The following DAPK1 variants were observed in gnomAD, a reference collection of about 807,000 sequenced individuals.
DAPK1 encodes the protein death-associated protein kinase 1.
A neutral mutation model predicts 144.9 loss-of-function variants in DAPK1; 56 were observed. That is an observed-to-expected ratio of 0.39 (90% CI 0.31 to 0.48). DAPK1 has a LOEUF of 0.48. Among genes scored for constraint, DAPK1 ranks in the 20% least tolerant of loss-of-function variants. DAPK1 has a pLI of 0.95. For missense variants in DAPK1, 1,454 were observed against 1,875.4 expected (o/e 0.78, Z 4.15); for synonymous variants, 690 against 749.0 (o/e 0.92, Z 1.29).
In DAPK1 at chr9:87,670,400, G is replaced by A. The variant is rs36216774; in HGVS notation, c.2001+1726G>A. ...AGAAGAGAAGTCTGGTTTTTGCACA[G>A]GCTAAAAGAGCACAATTTCTTTTTC... On this transcript the variant is annotated intron_variant, in intron 19 of 25. Coordinates refer to ENST00000408954, the MANE Select transcript of DAPK1 (RefSeq NM_004938.4). 3.0e-3 allele frequency among the ~76,000 whole-genome samples: 460 copies of A among 152,256 alleles called. 3 individuals are homozygous for A. The highest frequency in any genetic ancestry group is 0.01 in the African/African-American group (433 of 41,558).
intron 13 of DAPK1, 120 bp from the exon 14 acceptor site, chr9:87,647,185 A>C: frequency 1.3e-6 from 1 of 782,252 alleles, no homozygotes; most frequent in South Asian, 1.5e-5. Flanking sequence ...TTCCTCTGGG[A>C]AGTTGCTCCT....
At chr9:87,529,576 T>C (rs1335360493) in intron 2 of DAPK1, among the ~76,000 whole-genome samples, 1 of 152,200 alleles carries the variant, frequency 6.6e-6, no homozygotes, top group Non-Finnish European at 1.5e-5. Flanking sequence ...CTCTGGGGGA[T>C]ATATGGCACA....
chr9:87,624,978 T>G (rs1587782492), intron 3 of DAPK1, among the ~76,000 whole-genome samples: 1 of 152,216 alleles, frequency 6.6e-6, no homozygotes, highest in African/African-American at 2.4e-5. Context: ...CTTGAGTAGT[T>G]GACAAACTAC....
chr9:87,675,178 C>T lies in DAPK1; in HGVS notation c.2002-6226C>T, dbSNP rs140452165. On this transcript the variant is annotated intron_variant, in intron 19 of 25. Transcript: ENST00000408954. Reference sequence around the variant, plus strand: ...GTTCCTACATGGCAGAGTTGAGTTGCCACAGAGACCATCTGGCCCTCTACA... The same window carrying T: ...GTTCCTACATGGCAGAGTTGAGTTGTCACAGAGACCATCTGGCCCTCTACA... 7.3e-3 allele frequency among the ~76,000 whole-genome samples: 1,118 copies of T among 152,212 alleles called. 5 individuals carry two copies. The highest frequency in any genetic ancestry group is 0.011 in the South Asian group (54 of 4,816).
intron 24 of DAPK1, among the ~76,000 whole-genome samples, chr9:87,700,794 C>G (rs747346840): frequency 2.6e-5 from 4 of 152,116 alleles, no homozygotes; most frequent in Non-Finnish European, 5.9e-5. Flanking sequence ...AGCCACCATG[C>G]CTGGCCAATT....
chr9:87,613,157 A>T (rs1169183359), intron 3 of DAPK1, among the ~76,000 whole-genome samples: 1 of 152,190 alleles, frequency 6.6e-6, no homozygotes, highest in African/African-American at 2.4e-5. Flanking sequence ...CAGGGCGTGG[A>T]GTGAATAATG....
intron 2 of DAPK1, among the ~76,000 whole-genome samples, chr9:87,595,408 T>C (rs1372242344): frequency 6.6e-6 from 1 of 152,178 alleles, no homozygotes; most frequent in East Asian, 1.9e-4. Context: ...TCCAGATGGA[T>C]CTTGGACCTT....
At chr9:87,679,664 T>C (rs921003748) in intron 19 of DAPK1, among the ~76,000 whole-genome samples, 6 of 152,216 alleles carry the variant, frequency 3.9e-5, no homozygotes, top group Non-Finnish European at 7.3e-5. Flanking sequence ...TTGTCCGCAC[T>C]GCGCTTAGCA....
At chr9:87,526,050 G>C (rs1027457057) in intron 2 of DAPK1, among the ~76,000 whole-genome samples, 12 of 151,534 alleles carry the variant, frequency 7.9e-5, no homozygotes, top group African/African-American at 2.7e-4. Flanking sequence ...TCTCATGCCT[G>C]TAATCCTAGC....
chr9:87,652,540 T>C (rs1461201493), intron 17 of DAPK1, among the ~76,000 whole-genome samples: 12 of 125,050 alleles, frequency 9.6e-5, no homozygotes, highest in South Asian at 6.2e-4. Context: ...CCCCCGATCC[T>C]GGGTCCTGAT....
At chr9:87,497,654 A>C, upstream of DAPK1, 1 of 168,554 alleles carries the variant, frequency 5.9e-6, no homozygotes, top group Non-Finnish European at 1.3e-5. Flanking sequence ...GTGTGGGGCG[A>C]GTGGGTGTGT....
At chr9:87,669,764 AG>A (rs5899010) in intron 19 of DAPK1, among the ~76,000 whole-genome samples, 15 of 151,190 alleles carry the variant, frequency 9.9e-5, no homozygotes, top group East Asian at 2.0e-4. Flanking sequence ...TGCCAGGGGC[AG>A]GGGGGGGCCA....
At position 87,698,680 on chromosome 9, in the gene DAPK1, C is replaced by T. The variant is rs1247413118; in HGVS notation, c.2636C>T (p.Pro879Leu). 6.8e-6 allele frequency: 11 copies of T among 1,606,608 alleles called. No homozygotes were observed. Among genetic ancestry groups the T allele is most frequent in the Middle Eastern group, 3.3e-4 (2 of 5,980 alleles). Residue 879 changes from proline (P) to leucine (L), a missense_variant, in exon 23 of 26, where the codon CCA (proline) becomes CTA (leucine). Physicochemically the swap from Pro to Leu is moderately conservative, Grantham distance 98. Coordinates refer to ENST00000408954, the MANE Select transcript of DAPK1 (RefSeq NM_004938.4). Reference protein sequence around the residue: ...PIAFGGKLKNPLQVVLVATHA... With the variant: ...PIAFGGKLKNLLQVVLVATHA... ...GCCTTCGGTGGCAAGCTGAAGAACC[C>T]ACTCCAAGTTGTCCTGGTGGCCACC...
chr9:87,633,862 C>T (rs1256441354), intron 3 of DAPK1, among the ~76,000 whole-genome samples: 1 of 152,168 alleles, frequency 6.6e-6, no homozygotes. Context: ...GAAGCAGACT[C>T]TGAGATGGAG....
chr9:87,596,531 T>G (rs750790589), intron 2 of DAPK1, among the ~76,000 whole-genome samples: 3 of 152,152 alleles, frequency 2.0e-5, no homozygotes, highest in Non-Finnish European at 4.4e-5. Flanking sequence ...GGTGGGAAAT[T>G]GTTGCCATGA....
chr9:87,529,933 C>G (rs1825645315), intron 2 of DAPK1, among the ~76,000 whole-genome samples: 3 of 152,216 alleles, frequency 2.0e-5, no homozygotes, highest in Admixed American at 2.0e-4. Flanking sequence ...AGAGGAGGAG[C>G]TGATGCCTCC....
chr9:87,627,628 C>G (rs1344804683), intron 3 of DAPK1, among the ~76,000 whole-genome samples: 2 of 152,180 alleles, frequency 1.3e-5, no homozygotes, highest in African/African-American at 4.8e-5. Flanking sequence ...TTACCTGTTT[C>G]CTGTCTAAGA....
intron 13 of DAPK1, 25 bp downstream of exon 13, chr9:87,646,584 AT>A: frequency 6.4e-7 from 1 of 1,568,350 alleles, no homozygotes. Flanking sequence ...ATTGAAATGA[AT>A]TGAATTTTAA....
In DAPK1 at chr9:87,645,858, A is replaced by AT. The variant is rs762871236; in HGVS notation, c.1012-36dup. ...GTTGGTAAGAAAAGCATGGCTAGCA[A>AT]TGTAACTCTGTTTCCATCTTGGCTG... On this transcript the variant is annotated intron_variant, in intron 11 of 25. Transcript: ENST00000408954. The AT allele has an allele frequency of 1.7e-5, 28 of 1,609,536 alleles. No individual in the cohort carries two copies. In the South Asian group the frequency reaches 3.1e-4, roughly 18 times the overall value.
Sources: gnomAD v4.1 joint callset for allele counts (sites outside exome capture counted in the v4.1 genomes callset) on GRCh38, gnomAD v4.1.1 for gene constraint, MANE v1.5 for transcripts, NCBI Gene and HGNC (gene_info 2026-07-23, HGNC 2026-07-21) for gene names.